PCDHGA3: variants seen among roughly 807,000 people sequenced by gnomAD.
PCDHGA3 encodes protocadherin gamma subfamily A, 3.
PCDHGA3 carries 40 observed loss-of-function variants against 58.5 expected under a neutral mutation model. The observed-to-expected ratio is 0.68, with a 90% CI of 0.53 to 0.89. The LOEUF (loss-of-function observed/expected upper bound fraction) is 0.89, where lower values mean the gene tolerates loss of function less well. Among genes scored for constraint, PCDHGA3 ranks in the 40% least tolerant of loss-of-function variants. PCDHGA3 has a pLI of 0.00. For synonymous variants in PCDHGA3, 530 were observed against 525.7 expected (o/e 1.01, Z -0.11); for missense variants, 1,223 against 1,195.9 (o/e 1.02, Z -0.33).
At chr5:141,376,087 C>T in intron 1 of PCDHGA3, 3 of 1,613,656 alleles carry the variant, frequency 1.9e-6, no homozygotes, top group Non-Finnish European at 2.5e-6. Flanking sequence ...CCGACAGGAT[C>T]CCCGACATCC....
intron 1 of PCDHGA3, among the ~76,000 whole-genome samples, chr5:141,348,135 T>A (rs1237246748): frequency 6.6e-6 from 1 of 152,224 alleles, no homozygotes; most frequent in African/African-American, 2.4e-5. Flanking sequence ...ACTCATGAAA[T>A]CATATGAGAG....
intron 1 of PCDHGA3, chr5:141,384,916 G>T (rs1215010105): frequency 1.2e-6 from 2 of 1,613,886 alleles, no homozygotes; most frequent in Non-Finnish European, 1.7e-6. Flanking sequence ...CGAAGTCTTG[G>T]CCGACCTGGG....
chr5:141,376,165 G>T (rs181247360), intron 1 of PCDHGA3: 1 of 1,614,018 alleles, frequency 6.2e-7, no homozygotes, highest in African/African-American at 1.3e-5. Context: ...TGTACCTGGT[G>T]GTGGCGGTGG....
intron 1 of PCDHGA3, among the ~76,000 whole-genome samples, chr5:141,463,377 G>T (rs1161419035): frequency 2.7e-5 from 4 of 147,358 alleles, no homozygotes; most frequent in Non-Finnish European, 3.0e-5. Flanking sequence ...CCCACAGTCT[G>T]AAAGTTGTCT....
intron 1 of PCDHGA3, chr5:141,419,142 G>A (rs1351034238): frequency 6.2e-7 from 1 of 1,613,902 alleles, no homozygotes; most frequent in Non-Finnish European, 8.5e-7. Context: ...ACAGACAGGG[G>A]CAAGCCTCCG....
In PCDHGA3 at chr5:141,403,112, C is replaced by CT. The variant is rs765071462; in HGVS notation, c.2424+56656dup. The CT allele has an allele frequency of 3.1e-6, 5 of 1,614,074 alleles. No individual in the cohort carries two copies. In the South Asian group the frequency reaches 5.5e-5, roughly 18 times the overall value. On this transcript the variant is annotated intron_variant, in intron 1 of 3. Transcript: ENST00000253812. Reference sequence around the variant, plus strand: ...GGGCAACATCTCCAAGGACCTGGCTCTGGAGCCCCGGGAGCTGGCGGAGCG... The same window carrying CT: ...GGGCAACATCTCCAAGGACCTGGCTCTTGGAGCCCCGGGAGCTGGCGGAGCG...
chr5:141,459,687 G>A (rs191874235), intron 1 of PCDHGA3, among the ~76,000 whole-genome samples: 15 of 152,278 alleles, frequency 9.9e-5, no homozygotes, highest in Admixed American at 2.0e-4. Context: ...TGCATAAAGC[G>A]TTCCGCTTGC....
chr5:141,354,181 A>C (rs1759487714), intron 1 of PCDHGA3, among the ~76,000 whole-genome samples: 1 of 152,174 alleles, frequency 6.6e-6, no homozygotes, highest in Non-Finnish European at 1.5e-5. Flanking sequence ...TATTATCTGC[A>C]CTTTATAGTT....
At chr5:141,463,955 A>G (rs2154568299) in intron 1 of PCDHGA3, among the ~76,000 whole-genome samples, 1 of 152,288 alleles carries the variant, frequency 6.6e-6, no homozygotes, top group Middle Eastern at 3.4e-3. Flanking sequence ...CTTCATTTTT[A>G]AAATAGCTTC....
intron 1 of PCDHGA3, chr5:141,395,163 G>T: frequency 6.2e-7 from 1 of 1,614,160 alleles, no homozygotes; most frequent in Non-Finnish European, 8.5e-7. Context: ...CAGTCAGGAG[G>T]GCTGTGAGAA....
At chr5:141,388,529 G>A in intron 1 of PCDHGA3, 1 of 1,613,814 alleles carries the variant, frequency 6.2e-7, no homozygotes, top group South Asian at 1.1e-5. Context: ...TGACTGCCTT[G>A]GACTTTGGAG....
intron 1 of PCDHGA3, chr5:141,390,735 C>T (rs1453703867): frequency 5.3e-6 from 1 of 189,140 alleles, no homozygotes; most frequent in Non-Finnish European, 1.1e-5. Context: ...CTGGTATGGT[C>T]TCCATAGTAG....
At chr5:141,383,916 T>C (rs1368497890) in intron 1 of PCDHGA3, 1 of 1,613,968 alleles carries the variant, frequency 6.2e-7, no homozygotes, top group Non-Finnish European at 8.5e-7. Flanking sequence ...CAGTTTTAGA[T>C]GTAAATGATA....
At chr5:141,444,531 CTG>C (rs2098439915) in intron 1 of PCDHGA3, among the ~76,000 whole-genome samples, 1 of 152,100 alleles carries the variant, frequency 6.6e-6, no homozygotes, top group Non-Finnish European at 1.5e-5. Context: ...GAGACAGTGA[CTG>C]TGTCTAGTGA....
intron 1 of PCDHGA3, chr5:141,400,474 G>A: frequency 6.2e-7 from 1 of 1,614,012 alleles, no homozygotes; most frequent in Non-Finnish European, 8.5e-7. Context: ...TTCATCTGGG[G>A]CCTTATTTCC....
chr5:141,428,513 AAAG>A (rs891793310), intron 1 of PCDHGA3: 2 of 280,938 alleles, frequency 7.1e-6, no homozygotes, highest in Non-Finnish European at 1.4e-5. Context: ...GATTCTAGAA[AAAG>A]AAGATTTAAT....
At chr5:141,459,910 A>G (rs2098977946) in intron 1 of PCDHGA3, among the ~76,000 whole-genome samples, 2 of 152,042 alleles carry the variant, frequency 1.3e-5, no homozygotes, top group Non-Finnish European at 1.5e-5. Context: ...GAGCTATGGG[A>G]GTTTTAAAAT....
At chr5:141,394,883 ACT>A (rs1415060925) in intron 1 of PCDHGA3, 4 of 1,611,604 alleles carry the variant, frequency 2.5e-6, no homozygotes, top group Admixed American at 1.7e-5. Context: ...CGAGCCTTAC[ACT>A]CTATCTCGTG....
intron 1 of PCDHGA3, chr5:141,370,540 A>C (rs1443482874): frequency 1.9e-6 from 3 of 1,613,508 alleles, no homozygotes; most frequent in African/African-American, 1.3e-5. Context: ...CTGGTAGGGA[A>C]CCTCGCCAAG....
Sources: allele counts gnomAD v4.1 joint callset (sites outside exome capture counted in the v4.1 genomes callset), GRCh38; gene constraint gnomAD v4.1.1; transcripts MANE v1.5; gene names NCBI Gene and HGNC (gene_info 2026-07-23, HGNC 2026-07-21).